DTNB: variants seen among roughly 807,000 people sequenced by gnomAD.
The protein encoded by DTNB is DTN-B.
DTNB carries 63 observed loss-of-function variants against 90.7 expected under a neutral mutation model. The observed-to-expected ratio is 0.69, with a 90% confidence interval of 0.57 to 0.86. DTNB has a LOEUF of 0.86. Among genes scored for constraint, DTNB ranks in the 40% least tolerant of loss-of-function variants. The probability of loss-of-function intolerance (pLI) is 0.00; values close to 1 mark genes in which losing one functional copy is unlikely to be tolerated. For missense variants in DTNB, 744 were observed against 807.1 expected, an observed-to-expected ratio of 0.92 and a Z score of 0.95; for synonymous variants, 277 against 286.7, an observed-to-expected ratio of 0.97 and a Z score of 0.34.
At chr2:25,629,578 T>C (rs898241723) in intron 3 of DTNB, among the ~76,000 whole-genome samples, 1 of 152,128 alleles carries the variant, frequency 6.6e-6, no homozygotes, top group Admixed American at 6.5e-5. Flanking sequence ...TATAAGTGGA[T>C]GACAATTTTC....
intron 9 of DTNB, among the ~76,000 whole-genome samples, chr2:25,502,342 A>C (rs1257447407): frequency 6.6e-6 from 1 of 152,214 alleles, no homozygotes; most frequent in Non-Finnish European, 1.5e-5. Flanking sequence ...AGCAATGAAG[A>C]GAAAACAACT....
chr2:25,610,871 A>G (rs1001579698), intron 4 of DTNB, among the ~76,000 whole-genome samples: 1 of 152,082 alleles, frequency 6.6e-6, no homozygotes, highest in Non-Finnish European at 1.5e-5. Flanking sequence ...CACCATGCCC[A>G]GATAATCTTT....
Position 25,427,615 on chromosome 2 carries a change from G to C in DTNB, c.1474C>G (p.Leu492Val), listed in dbSNP as rs780906020. 1.9e-6 allele frequency: 3 copies of C among 1,613,106 alleles called. No individual in the cohort carries two copies. The highest frequency in any genetic ancestry group is 2.5e-6 in the Non-Finnish European group (3 of 1,179,788). ...TGCAGGGCCGACATCCTCTGCTCCAGTTCATCCTTCCTTTGCCTATCCAAG... is the reference window on the plus strand; with the variant it reads ...TGCAGGGCCGACATCCTCTGCTCCACTTCATCCTTCCTTTGCCTATCCAAG... ...LRLLRQRKDELEQRMSALQES... is the reference protein window; with the variant it reads ...LRLLRQRKDEVEQRMSALQES... Residue 492 changes from leucine (L) to valine (V), a missense_variant, in exon 15 of 21, where the codon CTG (leucine) becomes GTG (valine). By Grantham distance (32) the Leu-to-Val change is conservative. Transcript: ENST00000406818.
chr2:25,427,735 G>A, intron 14 of DTNB, 104 bp from the exon 15 acceptor site: 1 of 1,072,486 alleles, frequency 9.3e-7, no homozygotes, highest in Non-Finnish European at 1.3e-6. Context: ...CCAGTTATGA[G>A]ACGCTGAGCA....
chr2:25,575,415 A>G (rs2060511532), intron 8 of DTNB, among the ~76,000 whole-genome samples: 1 of 152,180 alleles, frequency 6.6e-6, no homozygotes, highest in East Asian at 1.9e-4. Flanking sequence ...GTGGCTCTTC[A>G]CAACCACCAC....
At chr2:25,399,363 T>TTTTTTTTTTTTTTTTA (rs1345625280) in intron 16 of DTNB, 1 of 150,000 alleles carries the variant, frequency 6.7e-6, no homozygotes, top group African/African-American at 2.5e-5. Context: ...TTTTTTTTTT[T>TTTTTTTTTTTTTTTTA]TAGACAGGAT....
At chr2:25,624,254 C>T (rs1454905214) in intron 4 of DTNB, among the ~76,000 whole-genome samples, 1 of 152,324 alleles carries the variant, frequency 6.6e-6, no homozygotes. Flanking sequence ...TGATTGATGT[C>T]TCATGTCTTC....
chr2:25,654,792 C>T (rs2081728942), intron 1 of DTNB, among the ~76,000 whole-genome samples: 1 of 152,052 alleles, frequency 6.6e-6, no homozygotes, highest in African/African-American at 2.4e-5. Context: ...ACACTTGGAC[C>T]CTGGAAAAAT....
chr2:25,594,771 A>G (rs985199508), intron 6 of DTNB: 1 of 152,254 alleles, frequency 6.6e-6, no homozygotes, highest in African/African-American at 2.4e-5. Flanking sequence ...AACACTGCAG[A>G]AGGATGCTCC....
intron 1 of DTNB, among the ~76,000 whole-genome samples, chr2:25,664,933 C>T (rs1329852591): frequency 6.6e-6 from 1 of 152,150 alleles, no homozygotes; most frequent in Non-Finnish European, 1.5e-5. Flanking sequence ...AACACAGGTC[C>T]CAAAACTGTG....
chr2:25,551,337 T>C (rs965615528), intron 8 of DTNB, among the ~76,000 whole-genome samples: 1 of 152,212 alleles, frequency 6.6e-6, no homozygotes, highest in African/African-American at 2.4e-5. Context: ...AGGGTATAAA[T>C]CTGCTTTTGA....
At chr2:25,629,530 G>A (rs535630823) in intron 3 of DTNB, among the ~76,000 whole-genome samples, 2 of 152,178 alleles carry the variant, frequency 1.3e-5, no homozygotes, top group African/African-American at 4.8e-5. Context: ...GTTTGTAAGG[G>A]ATATGTCTAA....
At chr2:25,505,431 G>A (rs1293522489) in intron 9 of DTNB, among the ~76,000 whole-genome samples, 1 of 152,132 alleles carries the variant, frequency 6.6e-6, no homozygotes, top group Non-Finnish European at 1.5e-5. Context: ...TGACGTGTTA[G>A]AAGGAGTCTA....
At chr2:25,523,897 C>CTTT (rs869167435) in intron 9 of DTNB, among the ~76,000 whole-genome samples, 5 of 115,856 alleles carry the variant, frequency 4.3e-5, no homozygotes, top group Admixed American at 8.8e-5. Context: ...GTCATCTGTA[C>CTTT]TTTTTTTTTT....
chr2:25,628,090 G>C, intron 4 of DTNB, 81 bp downstream of exon 4: 2 of 1,467,230 alleles, frequency 1.4e-6, no homozygotes, highest in South Asian at 2.4e-5. Context: ...AGGCAACTTA[G>C]CACGGCAGTA....
intron 8 of DTNB, among the ~76,000 whole-genome samples, chr2:25,573,020 A>G (rs1464588306): frequency 6.6e-6 from 1 of 151,678 alleles, no homozygotes; most frequent in East Asian, 1.9e-4. Flanking sequence ...GGCTCACTGC[A>G]ACCTCAACCT....
chr2:25,657,753 AG>A (rs1208995223), intron 1 of DTNB, among the ~76,000 whole-genome samples: 1 of 152,118 alleles, frequency 6.6e-6, no homozygotes, highest in Non-Finnish European at 1.5e-5. Context: ...CATAAAACTC[AG>A]TAACAAAACA....
chr2:25,508,360 C>T (rs2073009860), intron 9 of DTNB, among the ~76,000 whole-genome samples: 1 of 152,066 alleles, frequency 6.6e-6, no homozygotes. Flanking sequence ...TAATTACTAA[C>T]AATTTTGACA....
intron 3 of DTNB, among the ~76,000 whole-genome samples, chr2:25,637,578 C>G (rs2077382234): frequency 1.3e-5 from 2 of 152,198 alleles, no homozygotes; most frequent in African/African-American, 4.8e-5. Context: ...CAAAAGAAAA[C>G]ATTTATGCAG....
Sources: allele counts gnomAD v4.1 joint callset (sites outside exome capture counted in the v4.1 genomes callset), GRCh38; gene constraint gnomAD v4.1.1; transcripts MANE v1.5; gene names NCBI Gene and HGNC (gene_info 2026-07-23, HGNC 2026-07-21).